The following PRLR variants were observed in gnomAD, a reference collection of about 807,000 sequenced individuals.
PRLR encodes hPRL receptor.
In PRLR, 13 loss-of-function variants were observed where a neutral mutation model predicts 40.2. The observed-to-expected ratio is 0.32, with a 90% CI of 0.21 to 0.51. The LOEUF is 0.51. PRLR is among the 20% of genes least tolerant of loss of function. The pLI, the probability that PRLR is intolerant of heterozygous loss-of-function variation, is 0.97. For synonymous variants in PRLR, 269 were observed against 278.7 expected, an observed-to-expected ratio of 0.97 and a Z score of 0.35; for missense variants, 656 against 747.3, an observed-to-expected ratio of 0.88 and a Z score of 1.42.
intron 1 of PRLR, among the ~76,000 whole-genome samples, chr5:35,162,677 A>G (rs1027580162): frequency 4.6e-5 from 7 of 152,164 alleles, no homozygotes; most frequent in Admixed American, 4.6e-4. Flanking sequence ...TTCATACCCC[A>G]GATGAAGAAA....
chr5:35,141,390 G>A (rs1219065997), intron 1 of PRLR, among the ~76,000 whole-genome samples: 2 of 152,188 alleles, frequency 1.3e-5, no homozygotes, highest in African/African-American at 4.8e-5. Context: ...AAAGCACTAT[G>A]ACATGGAAGG....
At chr5:35,192,382 A>T (rs1415745814) in intron 1 of PRLR, among the ~76,000 whole-genome samples, 1 of 152,030 alleles carries the variant, frequency 6.6e-6, no homozygotes, top group East Asian at 1.9e-4. Flanking sequence ...CCACCTCTTA[A>T]TTCTCTAAGG....
intron 1 of PRLR, among the ~76,000 whole-genome samples, chr5:35,208,930 T>G (rs1298894313): frequency 6.6e-6 from 1 of 152,094 alleles, no homozygotes; most frequent in Admixed American, 6.6e-5. Context: ...TATTTTAAAC[T>G]TAACAAATTA....
chr5:35,115,850 T>G (rs1376339648), intron 2 of PRLR, among the ~76,000 whole-genome samples: 1 of 152,136 alleles, frequency 6.6e-6, no homozygotes, highest in African/African-American at 2.4e-5. Context: ...CAAAATGGAC[T>G]GCGGCACTTT....
At chr5:35,160,887 A>C (rs2111904587) in intron 1 of PRLR, among the ~76,000 whole-genome samples, 1 of 152,120 alleles carries the variant, frequency 6.6e-6, no homozygotes, top group Admixed American at 6.5e-5. Context: ...TCTTTGAAAA[A>C]CCACTAGCCC....
At chr5:35,124,046 G>A (rs1191635902) in intron 1 of PRLR, among the ~76,000 whole-genome samples, 1 of 152,148 alleles carries the variant, frequency 6.6e-6, no homozygotes, top group South Asian at 2.1e-4. Context: ...GACTGGGAAG[G>A]ACAATGTACT....
intron 1 of PRLR, among the ~76,000 whole-genome samples, chr5:35,212,660 A>G (rs1370781072): frequency 6.6e-6 from 1 of 152,326 alleles, no homozygotes; most frequent in East Asian, 1.9e-4. Flanking sequence ...AAATGAAAAT[A>G]ATAATATAGA....
chr5:35,133,769 G>A (rs1773760887), intron 1 of PRLR, among the ~76,000 whole-genome samples: 1 of 152,036 alleles, frequency 6.6e-6, no homozygotes, highest in Non-Finnish European at 1.5e-5. Flanking sequence ...AGAACCTGTG[G>A]GCTACCAAAA....
Position 35,089,652 on chromosome 5 carries a change from A to G in PRLR, c.-32T>C. ...TGCCTTCTCTTGCTGCAGGAAATGT[A>G]TCAGAAGTTCACTGGAAGAGAAGGT... On this transcript the variant is annotated 5_prime_UTR_variant, in exon 3 of 10. Transcript: ENST00000618457. The G allele has an allele frequency of 1.9e-6, 3 of 1,612,886 alleles. No individual in the cohort carries two copies. Among genetic ancestry groups the G allele is most frequent in the Non-Finnish European group, 2.5e-6 (3 of 1,178,914 alleles).
chr5:35,081,300 TG>T, intron 5 of PRLR: 2 of 172,722 alleles, frequency 1.2e-5, no homozygotes, highest in South Asian at 1.4e-4. Flanking sequence ...GCAACAGCCG[TG>T]GGGCTTTCCA....
chr5:35,132,533 T>A (rs1773721651), intron 1 of PRLR, among the ~76,000 whole-genome samples: 1 of 152,242 alleles, frequency 6.6e-6, no homozygotes, highest in African/African-American at 2.4e-5. Flanking sequence ...AATTACTAAT[T>A]TCTTGGTATC....
At chr5:35,170,235 T>A (rs534790598) in intron 1 of PRLR, among the ~76,000 whole-genome samples, 54 of 152,248 alleles carry the variant, frequency 3.5e-4, no homozygotes, top group African/African-American at 1.2e-3. Context: ...AAAATTTGAG[T>A]CTGAGGAAAA....
intron 1 of PRLR, among the ~76,000 whole-genome samples, chr5:35,205,874 T>C (rs929238705): frequency 9.2e-5 from 14 of 152,176 alleles, no homozygotes; most frequent in Admixed American, 2.0e-4. Context: ...CCAGTACATA[T>C]TGAACAGGTT....
chr5:35,138,721 GTTCACAGCAGGT>G (rs1773929026), intron 1 of PRLR, among the ~76,000 whole-genome samples: 1 of 152,162 alleles, frequency 6.6e-6, no homozygotes, highest in Non-Finnish European at 1.5e-5. Flanking sequence ...ACAATACATG[GTTCACAGCAGGT>G]TTCTGGATCA....
At chr5:35,097,111 C>T (rs1483827258) in intron 2 of PRLR, among the ~76,000 whole-genome samples, 2 of 152,172 alleles carry the variant, frequency 1.3e-5, no homozygotes, top group African/African-American at 2.4e-5. Context: ...TCTAAGGCAG[C>T]CTTCCTCCTG....
At chr5:35,217,486 A>T (rs369238878) in intron 1 of PRLR, among the ~76,000 whole-genome samples, 2 of 152,214 alleles carry the variant, frequency 1.3e-5, no homozygotes, top group African/African-American at 4.8e-5. Flanking sequence ...AGGAAGCTCC[A>T]GGGCCACTAA....
At chr5:35,049,319 A>T in exon 9 of PRLR, 1 of 703,304 alleles carries the variant, frequency 1.4e-6, no homozygotes, top group South Asian at 1.5e-5. Flanking sequence ...GCCTTTGTGA[A>T]CACCGCAAGT....
chr5:35,052,464 G>T (rs1768526408), downstream of PRLR, among the ~76,000 whole-genome samples: 1 of 152,124 alleles, frequency 6.6e-6, no homozygotes, highest in Non-Finnish European at 1.5e-5. Context: ...AAGGGTATCT[G>T]AAAAATTGTA....
At chr5:35,082,884 T>A (rs1389131984) in intron 5 of PRLR, among the ~76,000 whole-genome samples, 6 of 152,176 alleles carry the variant, frequency 3.9e-5, no homozygotes, top group African/African-American at 9.7e-5. Flanking sequence ...ACCAGAGAAT[T>A]TGTTTTCCAG....
Sources: allele counts gnomAD v4.1 joint callset (sites outside exome capture counted in the v4.1 genomes callset), GRCh38; gene constraint gnomAD v4.1.1; transcripts MANE v1.5; gene names NCBI Gene and HGNC (gene_info 2026-07-23, HGNC 2026-07-21).